The following RELN variants were observed in gnomAD, a reference collection of about 807,000 sequenced individuals.
The protein encoded by RELN is reelin.
A neutral mutation model predicts 427.6 loss-of-function variants in RELN; 108 were observed. The observed-to-expected ratio is 0.25, with a 90% CI of 0.22 to 0.30. The LOEUF is 0.30. Ranked by LOEUF, RELN falls within the 10% of genes least tolerant of loss-of-function variation. The probability of loss-of-function intolerance (pLI) is 1.00; values close to 1 mark genes in which losing one functional copy is unlikely to be tolerated. For missense variants in RELN, 3,715 were observed against 4,302.8 expected, an observed-to-expected ratio of 0.86 and a Z score of 3.82; for synonymous variants, 1,524 against 1,513.4, an observed-to-expected ratio of 1.01 and a Z score of -0.16.
chr7:103,817,927 G>A (rs1185024189), intron 3 of RELN, among the ~76,000 whole-genome samples: 4 of 86,254 alleles, frequency 4.6e-5, no homozygotes, highest in Non-Finnish European at 6.1e-5. Flanking sequence ...GACAGAGTAA[G>A]ACTCCATCTC....
Position 103,542,846 on chromosome 7 carries a change from T to C in RELN, c.6556A>G (p.Ser2186Gly), listed in dbSNP as rs1465197551. Residue 2186 changes from serine to glycine, a missense_variant, in exon 43 of 65, where the codon AGT (serine) becomes GGT (glycine). Ser to Gly is a moderately conservative substitution (Grantham distance 56, BLOSUM62 0). This residue lies in a region of RELN where 1,310 missense variants were observed against 1,643.0 expected (regional missense o/e 0.80). Coordinates refer to ENST00000428762, the MANE Select transcript of RELN (RefSeq NM_005045.4). ...CACTTTCGAGATGGTTTCCCACCACTCATTAATAAGAATCTATCAGATTCT... is the reference window on the plus strand; with the variant it reads ...CACTTTCGAGATGGTTTCCCACCACCCATTAATAAGAATCTATCAGATTCT... Reference protein sequence around the residue: ...QLESDRFLLMSGGKPSRKCGI... With the variant: ...QLESDRFLLMGGGKPSRKCGI... The C allele has an allele frequency of 6.2e-7, 1 of 1,614,192 alleles. No individual in the cohort carries two copies. Among genetic ancestry groups the C allele is most frequent in the East Asian group, 2.2e-5 (1 of 44,870 alleles).
intron 8 of RELN, among the ~76,000 whole-genome samples, chr7:103,712,636 T>C (rs969450865): frequency 2.0e-4 from 31 of 152,238 alleles, no homozygotes; most frequent in Non-Finnish European, 2.9e-5. Flanking sequence ...ATAATGATCA[T>C]AAATAGCTTC....
intron 2 of RELN, among the ~76,000 whole-genome samples, chr7:103,910,578 C>A (rs911658344): frequency 2.8e-5 from 4 of 145,364 alleles, no homozygotes; most frequent in Admixed American, 7.0e-5. Flanking sequence ...AAGCTGGAGG[C>A]ATCACACTAC....
chr7:103,652,795 C>T, intron 13 of RELN, 36 bp from the exon 14 acceptor site: 1 of 1,584,734 alleles, frequency 6.3e-7, no homozygotes. Context: ...ACTCAAAATC[C>T]TTTCTAGGCT....
In RELN at chr7:103,596,657, C is replaced by T. The variant is rs751103966; in HGVS notation, c.3338G>A (p.Gly1113Glu). 7.4e-6 allele frequency: 12 copies of T among 1,613,594 alleles called. No individual in the cohort carries two copies. The highest frequency in any genetic ancestry group is 3.3e-5 in the Admixed American group (2 of 59,964). The change falls in exon 25 of 65, where the codon GGG becomes GAG. Residue 1113 changes from glycine to glutamate, a missense_variant. This residue lies in a region of RELN where 2,208 missense variants were observed against 2,361.7 expected (regional missense o/e 0.93). Transcript: ENST00000428762. ...GTCCCAACTCACCAGCTGTCTTTTC[C>T]CAGCCTTTCAGAAAAGAAGAAAAAT... ...SGSSLYFSKAGKRQLVSWDLD... is the reference protein window; with the variant it reads ...SGSSLYFSKAEKRQLVSWDLD...
chr7:103,633,546 A>G (rs1303453929), intron 19 of RELN, among the ~76,000 whole-genome samples: 2 of 151,896 alleles, frequency 1.3e-5, no homozygotes, highest in African/African-American at 2.4e-5. Context: ...AAAAAACTCC[A>G]CTTTGATCTT....
intron 53 of RELN, among the ~76,000 whole-genome samples, chr7:103,499,608 T>TAATC (rs1554364624): frequency 6.6e-6 from 1 of 152,232 alleles, no homozygotes; most frequent in Non-Finnish European, 1.5e-5. Context: ...ACTTAGAAGA[T>TAATC]AATCAATTCT....
At chr7:103,494,047 G>A (rs1043517018) in intron 57 of RELN, among the ~76,000 whole-genome samples, 11 of 152,074 alleles carry the variant, frequency 7.2e-5, no homozygotes, top group Non-Finnish European at 1.6e-4. Flanking sequence ...TTTGATCTGG[G>A]CCACAATGTG....
At chr7:103,602,840 A>G (rs1369974875) in intron 24 of RELN, among the ~76,000 whole-genome samples, 3 of 152,102 alleles carry the variant, frequency 2.0e-5, no homozygotes, top group Admixed American at 2.0e-4. Context: ...AAAAAAAATC[A>G]AAGAATCATA....
At chr7:103,974,698 G>A (rs1393627424) in intron 1 of RELN, among the ~76,000 whole-genome samples, 1 of 152,100 alleles carries the variant, frequency 6.6e-6, no homozygotes, top group Non-Finnish European at 1.5e-5. Context: ...AAAATCTTTG[G>A]GGAAATTTGT....
rs143933269 is a variant in RELN at position 103,766,904 on chromosome 7, G to A, written c.544+9653C>T. Among the ~76,000 whole-genome samples, 192 of 152,272 alleles carry A rather than the reference G, an allele frequency of 1.3e-3. 2 individuals are homozygous for A. The East Asian group carries it at 0.034, about 27-fold the overall frequency. ...AAAACGTTTGCCTTTAGTTATAGCCGCTTCCATCAACACAACAACAGAGAA... is the reference window on the plus strand; with the variant it reads ...AAAACGTTTGCCTTTAGTTATAGCCACTTCCATCAACACAACAACAGAGAA... On this transcript the variant is annotated intron_variant, in intron 4 of 64. Transcript: ENST00000428762.
chr7:103,627,329 A>G (rs545463514), intron 20 of RELN, among the ~76,000 whole-genome samples: 2 of 152,262 alleles, frequency 1.3e-5, no homozygotes, highest in South Asian at 4.1e-4. Flanking sequence ...GATTATAATA[A>G]ATAGTTGGTC....
At chr7:103,754,609 T>TA (rs11377243) in intron 4 of RELN, among the ~76,000 whole-genome samples, 77,128 of 151,214 alleles carry the variant, frequency 0.51, 20,066 homozygotes, top group Non-Finnish European at 0.57. Flanking sequence ...ACCTCGTCTC[T>TA]AAAAAAAACA....
At chr7:103,961,837 G>A (rs1043833799) in intron 1 of RELN, among the ~76,000 whole-genome samples, 9 of 152,192 alleles carry the variant, frequency 5.9e-5, no homozygotes, top group African/African-American at 2.2e-4. Context: ...TTAGTAGGGT[G>A]TCTGAGAGTA....
Position 103,472,236 on chromosome 7 carries a change from C to T in RELN, c.*576G>A, listed in dbSNP as rs141550459. ...TATTAAAGGAGATACAATATCTTTA[C>T]AACTATCTTCTTGAATAGGTATTTC... is the stretch of plus-strand genomic sequence containing the variant. On this transcript the variant is annotated 3_prime_UTR_variant, in exon 65 of 65. Coordinates refer to ENST00000428762, the MANE Select transcript of RELN (RefSeq NM_005045.4). 727 of 159,028 alleles carry T rather than the reference C, an allele frequency of 4.6e-3. 18 individuals are homozygous for T. The highest frequency in any genetic ancestry group is 1.8e-3 in the East Asian group (10 of 5,496). The allele number at this position is 159,028 out of a possible 1,614,324, so 9.9% of individuals were successfully genotyped here. A position where few individuals can be genotyped will look rare whatever the true frequency, so the allele number is the denominator to read the frequency against.
At chr7:103,485,872 C>T (rs1481922529) in intron 61 of RELN, among the ~76,000 whole-genome samples, 1 of 152,158 alleles carries the variant, frequency 6.6e-6, no homozygotes, top group Non-Finnish European at 1.5e-5. Flanking sequence ...ATATACTTGC[C>T]TGTGCTCAAC....
At chr7:103,502,349 G>A (rs1267123258) in intron 52 of RELN, among the ~76,000 whole-genome samples, 4 of 152,192 alleles carry the variant, frequency 2.6e-5, no homozygotes, top group East Asian at 1.9e-4. Flanking sequence ...CACAAGATTT[G>A]TTTAGTCAGA....
At chr7:103,607,358 T>C (rs1831845108) in intron 22 of RELN, among the ~76,000 whole-genome samples, 1 of 152,208 alleles carries the variant, frequency 6.6e-6, no homozygotes, top group South Asian at 2.1e-4. Flanking sequence ...AAAAATTAGT[T>C]GTGTGAGCAA....
rs537650239 is a variant in RELN, at chr7:103,803,794, G to A, written c.474-27167C>T. ...TTCCAGGATAACAGCAACTGGCAAG[G>A]TTACAGCTCTTAGGAGTCTGTCATT... On this transcript the variant is annotated intron_variant, in intron 3 of 64. Transcript: ENST00000428762. Among the ~76,000 whole-genome samples, 7 of 152,146 alleles carry A rather than the reference G, an allele frequency of 4.6e-5. No homozygotes were observed. In the East Asian group the frequency reaches 1.4e-3, roughly 29 times the overall value.
Sources: allele counts gnomAD v4.1 joint callset (sites outside exome capture counted in the v4.1 genomes callset), GRCh38; gene constraint gnomAD v4.1.1; regional missense constraint gnomAD v4.1.1; transcripts MANE v1.5; gene names NCBI Gene and HGNC (gene_info 2026-07-23, HGNC 2026-07-21).